The following LRRC8C variants were observed in gnomAD, a reference collection of about 807,000 sequenced individuals.
LRRC8C encodes leucine rich repeat containing 8 VRAC subunit C.
Under a neutral mutation model 55.3 loss-of-function variants are expected in LRRC8C, and 20 were observed. The ratio of observed to expected loss-of-function variants is 0.36; its 90% CI spans 0.25 to 0.53. The LOEUF (loss-of-function observed/expected upper bound fraction) is 0.53. Among genes scored for constraint, LRRC8C ranks in the 20% least tolerant of loss-of-function variants. The pLI, the probability that LRRC8C is intolerant of heterozygous loss-of-function variation, is 0.92. For missense variants in LRRC8C, 659 were observed against 951.4 expected, an observed-to-expected ratio of 0.69 and a Z score of 4.04; for synonymous variants, 376 against 360.7, an observed-to-expected ratio of 1.04 and a Z score of -0.48.
intron 1 of LRRC8C, among the ~76,000 whole-genome samples, chr1:89,680,806 C>G (rs1657686832): frequency 6.6e-6 from 1 of 151,950 alleles, no homozygotes. Flanking sequence ...AGTGATCCAC[C>G]CACCTCGGCC....
chr1:89,711,315 G>A (rs567279889), intron 2 of LRRC8C, among the ~76,000 whole-genome samples: 11 of 152,308 alleles, frequency 7.2e-5, no homozygotes, highest in African/African-American at 1.9e-4. Flanking sequence ...TCACCAGCTC[G>A]TGGTCACCTT....
intron 2 of LRRC8C, among the ~76,000 whole-genome samples, chr1:89,690,414 G>A (rs2101295313): frequency 6.6e-6 from 1 of 152,208 alleles, no homozygotes; most frequent in Admixed American, 6.5e-5. Context: ...AAATAGTAGA[G>A]GAAGGTGACA....
chr1:89,668,499 A>G (rs557980840), intron 1 of LRRC8C, among the ~76,000 whole-genome samples: 1 of 152,356 alleles, frequency 6.6e-6, no homozygotes, highest in South Asian at 2.1e-4. Flanking sequence ...TTTAGGCTAC[A>G]GTGTTCAAGT....
chr1:89,687,204 A>T (rs1326152327), intron 2 of LRRC8C, among the ~76,000 whole-genome samples: 2 of 152,226 alleles, frequency 1.3e-5, no homozygotes, highest in African/African-American at 4.8e-5. Context: ...GGGGAGAAAT[A>T]AATAAACTAG....
chr1:89,641,303 A>G (rs1341826885), intron 1 of LRRC8C, among the ~76,000 whole-genome samples: 1 of 152,186 alleles, frequency 6.6e-6, no homozygotes, highest in Non-Finnish European at 1.5e-5. Flanking sequence ...ATTCTTAGGG[A>G]CATTTGGTAA....
intron 1 of LRRC8C, among the ~76,000 whole-genome samples, chr1:89,668,619 CT>C (rs1657332994): frequency 6.6e-6 from 1 of 152,132 alleles, no homozygotes; most frequent in South Asian, 2.1e-4. Flanking sequence ...TTGTTAGAGA[CT>C]AAAATAATTT....
At chr1:89,707,702 A>G (rs937853688) in intron 2 of LRRC8C, among the ~76,000 whole-genome samples, 1 of 151,896 alleles carries the variant, frequency 6.6e-6, no homozygotes, top group Non-Finnish European at 1.5e-5. Flanking sequence ...GATTTGAGAA[A>G]GATTGAAAGG....
At chr1:89,653,258 A>C (rs1054367297) in intron 1 of LRRC8C, among the ~76,000 whole-genome samples, 2 of 152,258 alleles carry the variant, frequency 1.3e-5, no homozygotes, top group African/African-American at 2.4e-5. Flanking sequence ...ATTATTTATT[A>C]ATTTTAAAAT....
At chr1:89,634,076 C>T (rs1656214099) in intron 1 of LRRC8C, among the ~76,000 whole-genome samples, 1 of 152,162 alleles carries the variant, frequency 6.6e-6, no homozygotes, top group Admixed American at 6.5e-5. Flanking sequence ...CGGTTCTTCC[C>T]TCCCCAACCC....
chr1:89,694,777 G>A (rs113927682), intron 2 of LRRC8C, among the ~76,000 whole-genome samples: 23 of 151,148 alleles, frequency 1.5e-4, no homozygotes, highest in Non-Finnish European at 3.4e-4. Flanking sequence ...TAGTAGAGAC[G>A]GGCTTTCACC....
chr1:89,634,620 A>G (rs11811992), intron 1 of LRRC8C, among the ~76,000 whole-genome samples: 3,331 of 152,328 alleles, frequency 0.022, 117 homozygotes, highest in African/African-American at 0.077. Context: ...GCCAGAGCCA[A>G]TAATTTTTAT....
At chr1:89,643,039 T>G (rs767939725) in intron 1 of LRRC8C, among the ~76,000 whole-genome samples, 116 of 134,680 alleles carry the variant, frequency 8.6e-4, no homozygotes, top group Non-Finnish European at 1.4e-3. Context: ...AAAAAAAAAA[T>G]AGGTTTATTC....
chr1:89,650,379 C>G (rs1292023894), intron 1 of LRRC8C, among the ~76,000 whole-genome samples: 1 of 151,818 alleles, frequency 6.6e-6, no homozygotes, highest in Non-Finnish European at 1.5e-5. Context: ...AATAACATTG[C>G]TAGATATAAA....
At chr1:89,657,240 T>C (rs1224965005) in intron 1 of LRRC8C, among the ~76,000 whole-genome samples, 1 of 152,184 alleles carries the variant, frequency 6.6e-6, no homozygotes, top group African/African-American at 2.4e-5. Flanking sequence ...TGTTGACATA[T>C]ATTGCCTTGG....
rs1658716764 is a variant in LRRC8C at position 89,713,560 on chromosome 1, T to C, written c.990T>C (p.Tyr330=). The C allele has an allele frequency of 6.2e-7, 1 of 1,614,208 alleles. No individual in the cohort carries two copies. Among genetic ancestry groups the C allele is most frequent in the Non-Finnish European group, 8.5e-7 (1 of 1,180,038 alleles). The change falls in exon 3 of 3, where the codon TAT becomes TAC. Residue 330 remains tyrosine (Y), a synonymous_variant. Transcript: ENST00000370454. The surrounding 1 kb of genome is among the most constrained non-coding windows in gnomAD (Gnocchi z 5.2). The part of the protein sequence containing the change: ...SFCYLCFVSI[Y]GLTCLYTLYW... ...GCTATCTGTGCTTTGTTAGTATCTA[T>C]GGATTGACGTGCCTTTATACCTTAT...
intron 1 of LRRC8C, among the ~76,000 whole-genome samples, chr1:89,685,164 TGC>T (rs1657835296): frequency 1.5e-5 from 2 of 137,144 alleles, no homozygotes; most frequent in Admixed American, 1.7e-4. Flanking sequence ...CAGGCCGGAC[TGC>T]GGACTGCAGT....
At chr1:89,667,610 C>T (rs1439367891) in intron 1 of LRRC8C, among the ~76,000 whole-genome samples, 1 of 152,086 alleles carries the variant, frequency 6.6e-6, no homozygotes, top group African/African-American at 2.4e-5. Flanking sequence ...ACTTTCTGGG[C>T]AGTGTTTGAT....
chr1:89,673,262 G>A (rs1387576297), intron 1 of LRRC8C, among the ~76,000 whole-genome samples: 4 of 151,926 alleles, frequency 2.6e-5, no homozygotes, highest in African/African-American at 7.3e-5. Flanking sequence ...CCCGCAATCC[G>A]CCTTTTTAAT....
intron 1 of LRRC8C, among the ~76,000 whole-genome samples, chr1:89,657,739 C>A (rs1208130019): frequency 6.0e-4 from 59 of 98,818 alleles, no homozygotes; most frequent in African/African-American, 1.3e-3. Flanking sequence ...GACTCTGTAT[C>A]AAAAAAAAAA....
Sources: allele counts gnomAD v4.1 joint callset (sites outside exome capture counted in the v4.1 genomes callset), GRCh38; gene constraint gnomAD v4.1.1; non-coding constraint Gnocchi (gnomAD v3.1); transcripts MANE v1.5; gene names NCBI Gene and HGNC (gene_info 2026-07-23, HGNC 2026-07-21).